MYO1B: variants seen among roughly 807,000 people sequenced by gnomAD.
MYO1B encodes myosin IB.
In MYO1B, 72 loss-of-function variants were observed where a neutral mutation model predicts 159.7. The ratio of observed to expected loss-of-function variants is 0.45; its 90% CI spans 0.37 to 0.55. The LOEUF (loss-of-function observed/expected upper bound fraction) is 0.55, where lower values mean the gene tolerates loss of function less well. Among genes scored for constraint, MYO1B ranks in the 20% least tolerant of loss-of-function variants. The pLI is 0.00. For synonymous variants in MYO1B, 468 were observed against 473.8 expected (o/e 0.99, Z 0.16); for missense variants, 1,062 against 1,364.8 (o/e 0.78, Z 3.50).
intron 1 of MYO1B, among the ~76,000 whole-genome samples, chr2:191,261,091 C>A (rs1212804518): frequency 6.6e-6 from 1 of 152,162 alleles, no homozygotes; most frequent in African/African-American, 2.4e-5. Context: ...GCCATAGATA[C>A]ACTAATGCTC....
chr2:191,322,978 A>G (rs1402980087), intron 3 of MYO1B, among the ~76,000 whole-genome samples: 1 of 152,182 alleles, frequency 6.6e-6, no homozygotes, highest in Non-Finnish European at 1.5e-5. Context: ...ATCATGTGCT[A>G]AACAAGGGGT....
Position 191,390,112 on chromosome 2 carries a change from T to A in MYO1B, c.1782-180T>A, listed in dbSNP as rs143159976. On this transcript the variant is annotated intron_variant, in intron 17 of 30. Transcript: ENST00000392318. ...TTTAAAATTACTGTGCCTGCAGTAT[T>A]GTATTTATTTTTAGGTGGTTATAAA... Among the ~76,000 whole-genome samples, 202 of 151,016 alleles carry A rather than the reference T, an allele frequency of 1.3e-3. 1 individual carries two copies. Among genetic ancestry groups the A allele is most frequent in the African/African-American group, 4.7e-3 (190 of 40,254 alleles).
At chr2:191,375,460 TG>T (rs1255963489) in intron 13 of MYO1B, among the ~76,000 whole-genome samples, 4 of 116,068 alleles carry the variant, frequency 3.4e-5, no homozygotes, top group Non-Finnish European at 7.5e-5. Flanking sequence ...ACAACTGCTA[TG>T]ATTTGTAAAA....
chr2:191,247,976 C>T (rs950579764), intron 1 of MYO1B: 13 of 985,276 alleles, frequency 1.3e-5, no homozygotes, highest in African/African-American at 1.7e-5. Flanking sequence ...CAAGGAGGAA[C>T]GTCTGACATC....
At chr2:191,385,411 T>A (rs1695340480) in intron 15 of MYO1B, among the ~76,000 whole-genome samples, 1 of 152,230 alleles carries the variant, frequency 6.6e-6, no homozygotes, top group Admixed American at 6.5e-5. Flanking sequence ...CATGAACAAT[T>A]TGGAAACATA....
chr2:191,350,478 T>C (rs1440541822), intron 7 of MYO1B: 5 of 255,260 alleles, frequency 2.0e-5, no homozygotes, highest in Non-Finnish European at 3.7e-5. Context: ...GCGCTACTGT[T>C]TTTTATATTC....
At chr2:191,356,519 GT>G (rs1693300121) in intron 7 of MYO1B, among the ~76,000 whole-genome samples, 1 of 151,938 alleles carries the variant, frequency 6.6e-6, no homozygotes, top group African/African-American at 2.4e-5. Context: ...CTTTATCTCA[GT>G]TTTACTTTGT....
chr2:191,334,665 C>A (rs192828517), intron 4 of MYO1B, among the ~76,000 whole-genome samples: 5 of 152,156 alleles, frequency 3.3e-5, no homozygotes, highest in African/African-American at 1.2e-4. Context: ...ACAGCGCTTC[C>A]CAGGGCTTGT....
chr2:191,421,673 G>A (rs1238033099), intron 30 of MYO1B, among the ~76,000 whole-genome samples: 1 of 151,728 alleles, frequency 6.6e-6, no homozygotes, highest in Admixed American at 6.6e-5. Context: ...ACGTGGGTTT[G>A]CCATGTTGGC....
At chr2:191,363,675 A>T in intron 9 of MYO1B, 53 bp from the exon 10 acceptor site, 3 of 1,546,278 alleles carry the variant, frequency 1.9e-6, no homozygotes, top group Non-Finnish European at 2.6e-6. Context: ...ATTAAAAAAG[A>T]AAAGAAAATA....
In MYO1B at chr2:191,246,547, G is replaced by A. The variant is rs1052281641; in HGVS notation, c.-10+921G>A. 9.7e-5 allele frequency among the ~76,000 whole-genome samples: 4 copies of A among 41,366 alleles called. No individual in the cohort carries two copies. In the Admixed American group the frequency reaches 1.5e-3, roughly 16 times the overall value. The allele number at this position is 41,366 out of a possible 152,430, so 27.1% of individuals were successfully genotyped here. On this transcript the variant is annotated intron_variant, in intron 1 of 30. Coordinates refer to ENST00000392318, the MANE Select transcript of MYO1B (RefSeq NM_001130158.3). ...GCAAATCTTCTTAGTTACAGTGAAA[G>A]AAGCCCCCCCCCCTTTTTTTTTGAG...
rs187261679 is a variant in MYO1B, at chr2:191,313,390, G to A, written c.252-16545G>A. On this transcript the variant is annotated intron_variant, in intron 3 of 30. Coordinates refer to ENST00000392318, the MANE Select transcript of MYO1B (RefSeq NM_001130158.3). ...CACGCCTGGCTAATTTTTTGTCTTC[G>A]TTTTTGTTTTTTGAGATGGAGTCTA... Among the ~76,000 whole-genome samples, 6 of 123,298 alleles carry A rather than the reference G, an allele frequency of 4.9e-5. No homozygotes were observed. In the East Asian group the frequency reaches 1.5e-3, roughly 30 times the overall value. The allele number at this position is 123,298 out of a possible 152,430, so 80.9% of individuals were successfully genotyped here.
At chr2:191,344,693 A>G (rs1044458407) in intron 5 of MYO1B, among the ~76,000 whole-genome samples, 2 of 150,910 alleles carry the variant, frequency 1.3e-5, no homozygotes, top group African/African-American at 2.4e-5. Context: ...AGCCGGGCGT[A>G]GTGGCGGGCG....
chr2:191,398,870 C>T (rs1050817141), intron 21 of MYO1B, among the ~76,000 whole-genome samples: 12 of 151,870 alleles, frequency 7.9e-5, no homozygotes, highest in South Asian at 2.1e-4. Context: ...GGGTGGCGGC[C>T]GGGCAGAGGC....
intron 17 of MYO1B, 109 bp from the exon 18 acceptor site, chr2:191,390,183 T>C: frequency 9.8e-7 from 1 of 1,016,200 alleles, no homozygotes; most frequent in Non-Finnish European, 1.4e-6. Context: ...TTCTTAAGAA[T>C]AACATAATTG....
intron 18 of MYO1B, among the ~76,000 whole-genome samples, chr2:191,390,852 G>A (rs1695702754): frequency 6.6e-6 from 1 of 152,248 alleles, no homozygotes; most frequent in Non-Finnish European, 1.5e-5. Context: ...GCTGCAGAGA[G>A]AATCAGTGGA....
chr2:191,253,069 A>C (rs1013442235), intron 1 of MYO1B, among the ~76,000 whole-genome samples: 1 of 152,010 alleles, frequency 6.6e-6, no homozygotes. Flanking sequence ...TGGAAAAAAA[A>C]ACAAAAAACA....
At chr2:191,415,598 T>C (rs1407123910) in intron 29 of MYO1B, among the ~76,000 whole-genome samples, 1 of 149,744 alleles carries the variant, frequency 6.7e-6, no homozygotes. Flanking sequence ...TTTTTTGTTT[T>C]GTTTTGTTTT....
chr2:191,383,382 C>G, intron 15 of MYO1B, 40 bp downstream of exon 15: 1 of 1,341,726 alleles, frequency 7.5e-7, no homozygotes, highest in Non-Finnish European at 1.0e-6. Flanking sequence ...ATGTTTTAGT[C>G]CTATAATTCA....
Sources: gnomAD v4.1 joint callset for allele counts (sites outside exome capture counted in the v4.1 genomes callset) on GRCh38, gnomAD v4.1.1 for gene constraint, MANE v1.5 for transcripts, NCBI Gene and HGNC (gene_info 2026-07-23, HGNC 2026-07-21) for gene names.